The following DEFB134 variants were observed in gnomAD, a reference collection of about 807,000 sequenced individuals.
The protein encoded by DEFB134 is defensin beta 134, also known as beta-defensin 134.
In DEFB134, 7 loss-of-function variants were observed where a neutral mutation model predicts 7.4. The observed-to-expected ratio is 0.95, with a 90% CI of 0.54 to 1.79. The LOEUF is 1.79. DEFB134 is among the 40% of genes most tolerant of loss of function. The pLI is 0.00. For missense variants in DEFB134, 105 were observed against 74.8 expected, an observed-to-expected ratio of 1.40 and a Z score of -1.49; for synonymous variants, 33 against 25.0, an observed-to-expected ratio of 1.32 and a Z score of -0.96.
At chr8:11,994,317 C>T (rs776798787) in intron 1 of DEFB134, among the ~76,000 whole-genome samples, 195 bp from the exon 3 acceptor site, 1 of 152,124 alleles carries the variant, frequency 6.6e-6, no homozygotes, top group African/African-American at 2.4e-5. Context: ...ACCCTCACCC[C>T]TGATGTGACT....
chr8:11,998,063 C>G (rs1800173242), upstream of DEFB134, among the ~76,000 whole-genome samples: 1 of 152,170 alleles, frequency 6.6e-6, no homozygotes, highest in Non-Finnish European at 1.5e-5. Flanking sequence ...CCAAGAAGAT[C>G]TCTCAAAACT....
rs557502884 is a variant in DEFB134, at chr8:11,994,912, C to T, written c.59-790G>A. On this transcript the variant is annotated intron_variant, in intron 1 of 1. Coordinates refer to ENST00000526438, the Ensembl canonical transcript of DEFB134. ...GCAATGATGTATTTGCAATGTGGAACGGTCTTGTGAGTTTGAAGGAGGATG... is the reference window on the plus strand; with the variant it reads ...GCAATGATGTATTTGCAATGTGGAATGGTCTTGTGAGTTTGAAGGAGGATG... Among the ~76,000 whole-genome samples the T allele has an allele frequency of 1.9e-4, 29 of 152,162 alleles. No homozygotes were observed. The South Asian group carries it at 3.3e-3, about 17-fold the overall frequency.
At chr8:11,998,563 T>C (rs990534728), upstream of DEFB134, among the ~76,000 whole-genome samples, 1 of 152,116 alleles carries the variant, frequency 6.6e-6, no homozygotes, top group Admixed American at 6.6e-5. Context: ...GGAACATTTA[T>C]AGCATGAAAA....
chr8:11,994,182 C>A (rs762963627), intron 1 of DEFB134, 60 bp from the exon 3 acceptor site: 1 of 1,533,042 alleles, frequency 6.5e-7, no homozygotes, highest in Non-Finnish European at 8.8e-7. Context: ...CATAAAATTG[C>A]TAGTCCCTCA....
At chr8:12,000,372 C>G (rs1260288327), upstream of DEFB134, among the ~76,000 whole-genome samples, 1 of 152,082 alleles carries the variant, frequency 6.6e-6, no homozygotes, top group Non-Finnish European at 1.5e-5. Context: ...TCTAGCAGGC[C>G]ATCAGTGCCA....
chr8:11,997,514 AG>A (rs1375019298), upstream of DEFB134, among the ~76,000 whole-genome samples: 5 of 152,250 alleles, frequency 3.3e-5, no homozygotes, highest in African/African-American at 1.2e-4. Context: ...CTCAAAGGAA[AG>A]GGATGGAGAA....
At chr8:11,997,036 CT>C (rs1333387332), upstream of DEFB134, among the ~76,000 whole-genome samples, 6 of 152,294 alleles carry the variant, frequency 3.9e-5, no homozygotes, top group Admixed American at 1.3e-4. Context: ...TCCATTCCCC[CT>C]AACATTTTTT....
chr8:11,994,639 C>T (rs1292620087), intron 1 of DEFB134, among the ~76,000 whole-genome samples: 1 of 152,114 alleles, frequency 6.6e-6, no homozygotes, highest in Non-Finnish European at 1.5e-5. Context: ...TGGAAGTTTC[C>T]CTGAATTTGT....
In DEFB134 at chr8:11,994,074, C is replaced by T. The variant is rs760646403; in HGVS notation, c.107G>A (p.Gly36Asp). 10 of 1,613,566 alleles carry T rather than the reference C, an allele frequency of 6.2e-6. 1 individual carries two copies. The highest frequency in any genetic ancestry group is 4.4e-5 in the South Asian group (4 of 90,974). ...CTCATAGCATTCAAGTCTGCAGATG[C>T]CATTTTTATAGCATTTCTTGTGCAT... is the stretch of plus-strand genomic sequence containing the variant. Residue 36 changes from glycine to aspartate, a missense_variant, in exon 2 of 2, where the codon GGC becomes GAC. Gly to Asp is a moderately conservative substitution (Grantham distance 94). Coordinates refer to ENST00000526438, the Ensembl canonical transcript of DEFB134.
chr8:11,994,820 A>G (rs903574987), intron 1 of DEFB134, among the ~76,000 whole-genome samples: 2 of 152,192 alleles, frequency 1.3e-5, no homozygotes, highest in Admixed American at 6.5e-5. Context: ...ACCTCAATGA[A>G]TTTTCATTCT....
At chr8:11,994,192 A>G in intron 1 of DEFB134, 70 bp from the exon 3 acceptor site, 1 of 1,510,158 alleles carries the variant, frequency 6.6e-7, no homozygotes, top group Non-Finnish European at 8.9e-7. Context: ...CTAGTCCCTC[A>G]ATTTTTATCC....
intron 1 of DEFB134, 43 bp downstream of exon 2, chr8:11,996,151 T>G: frequency 6.2e-7 from 1 of 1,609,640 alleles, no homozygotes; most frequent in Non-Finnish European, 8.5e-7. Flanking sequence ...GCATTGTTCT[T>G]CTATATGAAG....
chr8:11,993,588 G>C (rs918672474), exon 2 of DEFB134: 1 of 159,830 alleles, frequency 6.3e-6, no homozygotes, highest in African/African-American at 2.4e-5. Context: ...TCTAAAGTTG[G>C]GAATTTCACA....
At chr8:11,993,842 T>G in exon 2 of DEFB134, 1 of 1,174,198 alleles carries the variant, frequency 8.5e-7, no homozygotes, top group Non-Finnish European at 1.2e-6. Flanking sequence ...CACAAGAGTC[T>G]GCTGGCCTAT....
At chr8:11,999,594 T>A (rs1340131101), upstream of DEFB134, 1 of 138,288 alleles carries the variant, frequency 7.2e-6, no homozygotes, top group East Asian at 2.2e-4. Flanking sequence ...ACTGACTAGG[T>A]CACCAACTAC....
upstream of DEFB134, among the ~76,000 whole-genome samples, chr8:11,997,385 A>G (rs1304315711): frequency 6.6e-6 from 1 of 152,198 alleles, no homozygotes; most frequent in Admixed American, 6.5e-5. Flanking sequence ...ACATTCATGT[A>G]CAAGTCATGG....
chr8:11,996,344 A>G (rs1800123343), upstream of DEFB134: 3 of 1,410,088 alleles, frequency 2.1e-6, no homozygotes, highest in Non-Finnish European at 3.0e-6. Context: ...GTCCTATACA[A>G]ACCTCTCAGG....
At chr8:12,000,198 C>T (rs546148474), upstream of DEFB134, among the ~76,000 whole-genome samples, 1 of 152,156 alleles carries the variant, frequency 6.6e-6, no homozygotes, top group Non-Finnish European at 1.5e-5. Flanking sequence ...AAGAGATGGT[C>T]CTCTTTCCCA....
upstream of DEFB134, among the ~76,000 whole-genome samples, chr8:11,997,492 G>A (rs1368401378): frequency 6.6e-6 from 1 of 152,186 alleles, no homozygotes; most frequent in East Asian, 1.9e-4. Context: ...CACACGCAAT[G>A]ACATTCATAG....
Sources: allele counts gnomAD v4.1 joint callset (sites outside exome capture counted in the v4.1 genomes callset), GRCh38; gene constraint gnomAD v4.1.1; transcripts MANE v1.5; gene names NCBI Gene and HGNC (gene_info 2026-07-23, HGNC 2026-07-21).